MGAM: variants seen among roughly 807,000 people sequenced by gnomAD.
The protein encoded by MGAM is maltase-glucoamylase.
Under a neutral mutation model 358.8 loss-of-function variants are expected in MGAM, and 253 were observed. The ratio of observed to expected loss-of-function variants is 0.71; its 90% CI spans 0.64 to 0.78. The LOEUF (loss-of-function observed/expected upper bound fraction) is 0.78, where lower values mean the gene tolerates loss of function less well. Among genes scored for constraint, MGAM ranks in the 30% least tolerant of loss-of-function variants. MGAM has a pLI of 0.00. For missense variants in MGAM, 3,080 were observed against 3,432.6 expected, an observed-to-expected ratio of 0.90 and a Z score of 2.57; for synonymous variants, 1,105 against 1,227.1, an observed-to-expected ratio of 0.90 and a Z score of 2.08.
At position 142,052,318 on chromosome 7, in the gene MGAM, C is replaced by T. The variant is rs1811066364; in HGVS notation, c.2830C>T (p.Leu944Phe). Residue 944 changes from leucine to phenylalanine, a missense_variant, in exon 25 of 71, where the codon CTT (leucine) becomes TTT (phenylalanine). Around this residue, in one of 5 missense-constraint regions of MGAM, gnomAD observed 1,816 missense variants for 1,840.5 expected, o/e 0.99. Transcript: ENST00000475668. ...LKVAIITDID[L>F]LLGEAYTVEW... is the part of the protein sequence containing the mutation. ...GGTTGCCATTATCACAGATATTGAT[C>T]TTCTCCTGGGAGAAGCATACACAGT... 1 of 1,606,266 alleles carries T rather than the reference C, an allele frequency of 6.2e-7. No homozygotes were observed. The highest frequency in any genetic ancestry group is 8.5e-7 in the Non-Finnish European group (1 of 1,175,960).
chr7:142,031,838 TG>T, intron 13 of MGAM, 45 bp downstream of exon 13: 1 of 1,290,128 alleles, frequency 7.8e-7, no homozygotes, highest in Non-Finnish European at 1.1e-6. Flanking sequence ...ATATTCAAAT[TG>T]TGTATATCTG....
chr7:142,018,953 GA>G (rs1489989633), intron 3 of MGAM, among the ~76,000 whole-genome samples: 1 of 149,936 alleles, frequency 6.7e-6, no homozygotes, highest in African/African-American at 2.5e-5. Context: ...TTTTTTTTGT[GA>G]TAAAAGTTAT....
intron 68 of MGAM, among the ~76,000 whole-genome samples, chr7:142,102,118 G>A (rs998084783): frequency 6.6e-6 from 1 of 152,104 alleles, no homozygotes; most frequent in East Asian, 1.9e-4. Context: ...GACAAAGAAG[G>A]CTTTTCTTTG....
chr7:142,064,015 T>G (rs901526764), intron 36 of MGAM, among the ~76,000 whole-genome samples: 4 of 152,242 alleles, frequency 2.6e-5, no homozygotes, highest in African/African-American at 4.8e-5. Flanking sequence ...TTGTGACTTT[T>G]CACAGATTAT....
intron 3 of MGAM, among the ~76,000 whole-genome samples, chr7:142,012,301 A>G (rs13235026): frequency 0.44 from 67,197 of 151,940 alleles, 16,007 homozygotes; most frequent in East Asian, 0.66. Flanking sequence ...AAAGAACAAG[A>G]CCAAGGTGCT....
At chr7:142,010,669 A>G (rs879976945) in intron 3 of MGAM, among the ~76,000 whole-genome samples, 2 of 151,966 alleles carry the variant, frequency 1.3e-5, no homozygotes, top group South Asian at 2.1e-4. Flanking sequence ...TCTTTTTTAC[A>G]TCCAACTTTT....
chr7:142,049,007 C>G (rs1447431563), intron 22 of MGAM, among the ~76,000 whole-genome samples: 3 of 152,138 alleles, frequency 2.0e-5, no homozygotes, highest in African/African-American at 7.2e-5. Flanking sequence ...TGACCATCAT[C>G]TCCCCAGTTT....
intron 43 of MGAM, among the ~76,000 whole-genome samples, chr7:142,069,235 C>T (rs1813120999): frequency 6.9e-6 from 1 of 145,788 alleles, no homozygotes; most frequent in Admixed American, 6.9e-5. Context: ...GGTATGGGAC[C>T]CAACCCTTGT....
At chr7:141,998,894 T>A (rs1804503955) in intron 1 of MGAM, among the ~76,000 whole-genome samples, 1 of 152,204 alleles carries the variant, frequency 6.6e-6, no homozygotes, top group Non-Finnish European at 1.5e-5. Context: ...TTCATATGTA[T>A]ATAGTAATAA....
chr7:142,070,871 A>C, intron 43 of MGAM, 123 bp from the exon 44 acceptor site: 1 of 1,279,920 alleles, frequency 7.8e-7, no homozygotes, highest in Non-Finnish European at 1.1e-6. Flanking sequence ...AATAGCAGGT[A>C]TGTTGCAAAG....
intron 54 of MGAM, 27 bp from the exon 55 acceptor site, chr7:142,085,806 C>G (rs1585083079): frequency 6.4e-7 from 1 of 1,559,356 alleles, no homozygotes. Context: ...CAGCAGCAGC[C>G]TCTCAGCTCC....
rs1289686141 is a variant in MGAM, at chr7:142,044,072, A to AATATATTAT, written c.2498+3229_2498+3230insTATTATATA. ...TACATTATATACACATACGACGTAT[A>AATATATTAT]ATACATTATATACACATACGACGTA... On this transcript the variant is annotated intron_variant, in intron 21 of 70. Coordinates refer to ENST00000475668, the MANE Select transcript of MGAM (RefSeq NM_001365693.1). Among the ~76,000 whole-genome samples, 262 of 130,052 alleles carry AATATATTAT rather than the reference A, an allele frequency of 2.0e-3. 25 individuals carry two copies. Among genetic ancestry groups the AATATATTAT allele is most frequent in the South Asian group, 4.2e-3 (18 of 4,276 alleles). The allele number at this position is 130,052 out of a possible 152,430, so 85.3% of individuals were successfully genotyped here. A position where few individuals can be genotyped will look rare whatever the true frequency, so the allele number is the denominator to read the frequency against.
intron 49 of MGAM, among the ~76,000 whole-genome samples, chr7:142,079,563 C>T (rs1372813812): frequency 6.9e-6 from 1 of 145,936 alleles, no homozygotes; most frequent in African/African-American, 2.4e-5. Flanking sequence ...AAAATAGCCA[C>T]CAACCTGCAG....
At chr7:142,009,273 G>C (rs1422933075) in intron 3 of MGAM, among the ~76,000 whole-genome samples, 1 of 152,168 alleles carries the variant, frequency 6.6e-6, no homozygotes, top group African/African-American at 2.4e-5. Context: ...CCTTAGCCCA[G>C]TGTTTCTAGA....
At chr7:142,050,986 A>C in intron 24 of MGAM, 122 bp downstream of exon 24, 1 of 1,313,456 alleles carries the variant, frequency 7.6e-7, no homozygotes, top group South Asian at 1.3e-5. Flanking sequence ...TGTTTTGGGG[A>C]AGTGAGAGGG....
chr7:142,066,489 A>C, intron 40 of MGAM, 84 bp from the exon 41 acceptor site: 4 of 1,420,876 alleles, frequency 2.8e-6, no homozygotes, highest in Non-Finnish European at 3.9e-6. Context: ...AGTGATCTTC[A>C]ATTGGAGTAT....
At position 142,042,631 on chromosome 7, in the gene MGAM, TATATATA is replaced by T. The variant is rs1282723448; in HGVS notation, c.2498+1800_2498+1806del. On this transcript the variant is annotated intron_variant, in intron 21 of 70. Coordinates refer to ENST00000475668, the MANE Select transcript of MGAM (RefSeq NM_001365693.1). Reference sequence around the variant, plus strand: ...TATAATATATATTATATATACATATTATATATAATATATAATATATATTATATATACA... The same window carrying T: ...TATAATATATATTATATATACATATTATATATAATATATATTATATATACA... Among the ~76,000 whole-genome samples, 6 of 13,632 alleles carry T rather than the reference TATATATA, an allele frequency of 4.4e-4. 1 individual carries two copies. Among genetic ancestry groups the T allele is most frequent in the Non-Finnish European group, 7.8e-4 (6 of 7,734 alleles). 8.9% of individuals were successfully genotyped at this position (13,632 alleles called of 152,430 possible).
Position 142,078,690 on chromosome 7 carries a change from G to A in MGAM, c.5647-118G>A, listed in dbSNP as rs1282924615. The A allele has an allele frequency of 3.5e-6, 4 of 1,154,222 alleles. 1 individual carries two copies. The highest frequency in any genetic ancestry group is 4.9e-6 in the Non-Finnish European group (4 of 816,668). The allele number at this position is 1,154,222 out of a possible 1,614,324, so 71.5% of individuals were successfully genotyped here. A position where few individuals can be genotyped will look rare whatever the true frequency, so the allele number is the denominator to read the frequency against. On this transcript the variant is annotated intron_variant, in intron 48 of 70. Coordinates refer to ENST00000475668, the MANE Select transcript of MGAM (RefSeq NM_001365693.1). The stretch of plus-strand genomic sequence containing the variant: ...GAAATTAAATTTATGTTATTGCCAA[G>A]TGATAAGTGATAGGCTGGTTTTATT...
rs1367522321 is a variant in MGAM, at chr7:142,105,817, T to G, written c.8188T>G (p.Leu2730Val). The G allele has an allele frequency of 6.8e-6, 11 of 1,612,486 alleles. No homozygotes were observed. Among genetic ancestry groups the G allele is most frequent in the South Asian group, 2.2e-5 (2 of 91,044 alleles). Reference protein sequence around the residue: ...SFNNDPTTQVLSIDVTDRNIS... With the variant: ...SFNNDPTTQVVSIDVTDRNIS... ...CTTTTCCTTTGGTTCCTAACAGGTA[T>G]TAAGCATCGATGTGACTGACAGAAA... The change falls in exon 71 of 71, where the codon TTA becomes GTA. Residue 2730 changes from leucine to valine, a missense_variant. Coordinates refer to ENST00000475668, the MANE Select transcript of MGAM (RefSeq NM_001365693.1).
Sources: allele counts gnomAD v4.1 joint callset (sites outside exome capture counted in the v4.1 genomes callset), GRCh38; gene constraint gnomAD v4.1.1; regional missense constraint gnomAD v4.1.1; transcripts MANE v1.5; gene names NCBI Gene and HGNC (gene_info 2026-07-23, HGNC 2026-07-21).